WASL: variants seen among roughly 807,000 people sequenced by gnomAD.
WASL encodes the protein actin nucleation-promoting factor WASL.
WASL carries 20 observed loss-of-function variants against 55.5 expected under a neutral mutation model. The ratio of observed to expected loss-of-function variants is 0.36; its 90% CI spans 0.25 to 0.52. The LOEUF is 0.52. Among genes scored for constraint, WASL ranks in the 20% least tolerant of loss-of-function variants. The probability of loss-of-function intolerance (pLI) is 0.92; values close to 1 mark genes in which losing one functional copy is unlikely to be tolerated. For synonymous variants in WASL, 249 were observed against 217.6 expected, an observed-to-expected ratio of 1.14 and a Z score of -1.27; for missense variants, 504 against 622.5, an observed-to-expected ratio of 0.81 and a Z score of 2.03.
intron 1 of WASL, among the ~76,000 whole-genome samples, chr7:123,715,498 G>T (rs1803826604): frequency 6.6e-6 from 1 of 152,074 alleles, no homozygotes; most frequent in Non-Finnish European, 1.5e-5. Context: ...CAGATGTAGG[G>T]GATTGTTTTA....
At chr7:123,684,603 A>C (rs1328545151) in intron 10 of WASL, 23 bp from the exon 11 acceptor site, 3 of 1,497,782 alleles carry the variant, frequency 2.0e-6, no homozygotes, top group Non-Finnish European at 2.7e-6. Context: ...CAAGACAATT[A>C]AAACATATGC....
intron 10 of WASL, among the ~76,000 whole-genome samples, chr7:123,685,116 C>A (rs375938395): frequency 9.2e-5 from 14 of 151,888 alleles, no homozygotes; most frequent in African/African-American, 3.4e-4. Context: ...ACTCTCCACA[C>A]CACCATCACA....
intron 7 of WASL, among the ~76,000 whole-genome samples, chr7:123,695,305 A>C (rs1361576962): frequency 6.6e-6 from 1 of 152,182 alleles, no homozygotes; most frequent in Non-Finnish European, 1.5e-5. Flanking sequence ...CATTGTAGCT[A>C]TAACAAAAAT....
In WASL at chr7:123,684,345, C is replaced by T; in HGVS notation, c.*174G>A. The stretch of plus-strand genomic sequence containing the variant: ...GGAGTAGCTTTGTAGAGGATTACGA[C>T]AAACCTTTACAGATTAAATGAGGTA... On this transcript the variant is annotated 3_prime_UTR_variant, in exon 11 of 11. Coordinates refer to ENST00000223023, the MANE Select transcript of WASL (RefSeq NM_003941.4). 1 of 269,464 alleles carries T rather than the reference C, an allele frequency of 3.7e-6. No homozygotes were observed. Among genetic ancestry groups the T allele is most frequent in the Non-Finnish European group, 7.2e-6 (1 of 138,956 alleles). 16.7% of individuals were successfully genotyped at this position (269,464 alleles called of 1,614,324 possible).
At chr7:123,706,477 T>C in intron 3 of WASL, 104 bp from the exon 4 acceptor site, 1 of 1,051,610 alleles carries the variant, frequency 9.5e-7, no homozygotes, top group Non-Finnish European at 1.4e-6. Context: ...GAACGAAAGG[T>C]TAATTTTACT....
At chr7:123,701,234 G>C (rs1044883474) in intron 5 of WASL, among the ~76,000 whole-genome samples, 1 of 152,066 alleles carries the variant, frequency 6.6e-6, no homozygotes, top group Admixed American at 6.5e-5. Context: ...TAATGAAGGC[G>C]GGCTGTTTTC....
chr7:123,741,419 T>C (rs950104604), intron 1 of WASL, among the ~76,000 whole-genome samples: 2 of 152,190 alleles, frequency 1.3e-5, no homozygotes, highest in African/African-American at 4.8e-5. Context: ...CCATCAACGA[T>C]GCTAGGTGAC....
chr7:123,716,546 C>A (rs1325245527), intron 1 of WASL, among the ~76,000 whole-genome samples: 1 of 151,618 alleles, frequency 6.6e-6, no homozygotes, highest in Non-Finnish European at 1.5e-5. Context: ...CTGTGCCCGG[C>A]CCAAAGTTTA....
intron 1 of WASL, among the ~76,000 whole-genome samples, chr7:123,732,806 T>C (rs1043907918): frequency 2.0e-5 from 3 of 152,104 alleles, no homozygotes; most frequent in Non-Finnish European, 4.4e-5. Flanking sequence ...TATTAGCAAA[T>C]TGAACCCAAC....
At chr7:123,691,717 A>AGATAATCC (rs1459777906) in intron 9 of WASL, among the ~76,000 whole-genome samples, 2 of 152,218 alleles carry the variant, frequency 1.3e-5, no homozygotes, top group Non-Finnish European at 2.9e-5. Flanking sequence ...CATCCAAATC[A>AGATAATCC]GATAATCCTA....
intron 1 of WASL, among the ~76,000 whole-genome samples, chr7:123,732,323 CT>C (rs1804153595): frequency 2.0e-5 from 3 of 152,142 alleles, no homozygotes; most frequent in Middle Eastern, 6.8e-3. Context: ...GAGCGAGACT[CT>C]GTCTCGAAAA....
intron 1 of WASL, among the ~76,000 whole-genome samples, chr7:123,715,547 G>A (rs1392210501): frequency 6.6e-6 from 1 of 152,142 alleles, no homozygotes; most frequent in Non-Finnish European, 1.5e-5. Flanking sequence ...ATGGCTCCAC[G>A]TCTTCCTCTA....
intron 9 of WASL, among the ~76,000 whole-genome samples, chr7:123,690,986 G>A (rs1229826152): frequency 1.3e-5 from 2 of 152,130 alleles, no homozygotes; most frequent in South Asian, 4.1e-4. Flanking sequence ...AAGGGGGAAA[G>A]AGAACAGAGA....
chr7:123,695,940 C>A, intron 6 of WASL, 75 bp from the exon 7 acceptor site: 1 of 1,445,528 alleles, frequency 6.9e-7, no homozygotes, highest in Non-Finnish European at 9.6e-7. Flanking sequence ...TATATGAAAC[C>A]CAATCTACAT....
In WASL at chr7:123,742,645, A is replaced by G. The variant is rs529927730; in HGVS notation, c.117+5973T>C. On this transcript the variant is annotated intron_variant, in intron 1 of 10. Transcript: ENST00000223023. Reference sequence around the variant, plus strand: ...AAAATAATTCCATCTTAACCAAAAAAGCAGTTTCTAATAACCCAAAAATAC... The same window carrying G: ...AAAATAATTCCATCTTAACCAAAAAGGCAGTTTCTAATAACCCAAAAATAC... Among the ~76,000 whole-genome samples the G allele has an allele frequency of 7.8e-4, 119 of 152,302 alleles. 1 individual carries two copies. The South Asian group carries it at 0.012, about 15-fold the overall frequency.
At chr7:123,731,378 C>T (rs1418943546) in intron 1 of WASL, among the ~76,000 whole-genome samples, 2 of 152,130 alleles carry the variant, frequency 1.3e-5, no homozygotes, top group South Asian at 4.1e-4. Flanking sequence ...GAGACTTCAA[C>T]ACTCCTCTAT....
intron 5 of WASL, among the ~76,000 whole-genome samples, chr7:123,699,611 C>T (rs1484998834): frequency 1.3e-5 from 2 of 152,048 alleles, no homozygotes; most frequent in Non-Finnish European, 2.9e-5. Context: ...TTAAATTATC[C>T]AAGCTAGTAT....
intron 8 of WASL, 33 bp from the exon 9 acceptor site, chr7:123,692,900 T>C (rs755094771): frequency 1.6e-5 from 21 of 1,341,358 alleles, no homozygotes; most frequent in Non-Finnish European, 2.0e-5. Context: ...GAAGGCATGC[T>C]TTTTTCTTCT....
intron 1 of WASL, among the ~76,000 whole-genome samples, chr7:123,747,486 CA>C (rs1804452951): frequency 6.6e-6 from 1 of 152,168 alleles, no homozygotes; most frequent in Non-Finnish European, 1.5e-5. Context: ...ACAATGAATC[CA>C]ATAACTTTCC....
Sources: allele counts gnomAD v4.1 joint callset (sites outside exome capture counted in the v4.1 genomes callset), GRCh38; gene constraint gnomAD v4.1.1; transcripts MANE v1.5; gene names NCBI Gene and HGNC (gene_info 2026-07-23, HGNC 2026-07-21).